TTC6: variants seen among roughly 807,000 people sequenced by gnomAD.
TTC6 encodes the protein tetratricopeptide repeat domain 6, also known as tetratricopeptide repeat protein 6.
TTC6 carries 172 observed loss-of-function variants against 210.4 expected under a neutral mutation model. The ratio of observed to expected loss-of-function variants is 0.82; its 90% confidence interval spans 0.72 to 0.93. TTC6 has a LOEUF of 0.93. Among genes scored for constraint, TTC6 ranks in the 40% least tolerant of loss-of-function variants. The pLI is 0.00. For missense variants in TTC6, 2,414 were observed against 2,318.1 expected (o/e 1.04, Z -0.85); for synonymous variants, 804 against 819.6 (o/e 0.98, Z 0.32).
chr14:37,803,727 A>C (rs1002874752), intron 20 of TTC6, among the ~76,000 whole-genome samples: 1 of 152,166 alleles, frequency 6.6e-6, no homozygotes, highest in African/African-American at 2.4e-5. Context: ...GGAGAGAAAA[A>C]GGTGAAAGTG....
At chr14:37,813,673 T>C (rs976281469) in intron 25 of TTC6, among the ~76,000 whole-genome samples, 12 of 152,256 alleles carry the variant, frequency 7.9e-5, no homozygotes, top group African/African-American at 2.9e-4. Context: ...AACTCAGAAC[T>C]CACTCGATTC....
At chr14:37,605,004 C>T (rs905372054) in intron 1 of TTC6, among the ~76,000 whole-genome samples, 4 of 152,180 alleles carry the variant, frequency 2.6e-5, no homozygotes, top group East Asian at 3.9e-4. Flanking sequence ...TGAAATGAAA[C>T]GAGCATGCTG....
At chr14:37,699,802 C>G (rs886978454) in intron 4 of TTC6, among the ~76,000 whole-genome samples, 1 of 152,094 alleles carries the variant, frequency 6.6e-6, no homozygotes, top group Non-Finnish European at 1.5e-5. Context: ...AAGGAGGAAT[C>G]TAGTTGAGGT....
At chr14:37,801,349 G>A (rs907171809) in intron 20 of TTC6, among the ~76,000 whole-genome samples, 5 of 152,142 alleles carry the variant, frequency 3.3e-5, no homozygotes, top group Non-Finnish European at 7.4e-5. Context: ...TTGGAATGGA[G>A]GAATATATTT....
intron 1 of TTC6, among the ~76,000 whole-genome samples, chr14:37,677,091 GA>G (rs1024128990): frequency 1.3e-5 from 2 of 151,674 alleles, no homozygotes; most frequent in African/African-American, 4.8e-5. Context: ...TTCTATTTCT[GA>G]AAAAAAGGCC....
At chr14:37,670,359 G>A (rs750271343) in intron 1 of TTC6, among the ~76,000 whole-genome samples, 4 of 151,854 alleles carry the variant, frequency 2.6e-5, no homozygotes, top group Non-Finnish European at 5.9e-5. Context: ...AATACATTTC[G>A]TGATATTTGG....
rs558568513 is a variant in TTC6 at position 37,738,609 on chromosome 14, A to G, written c.1984-167A>G. Among the ~76,000 whole-genome samples the G allele has an allele frequency of 6.6e-5, 10 of 152,314 alleles. No individual in the cohort carries two copies. The South Asian group carries it at 1.9e-3, about 28-fold the overall frequency. On this transcript the variant is annotated intron_variant, in intron 9 of 30. Coordinates refer to ENST00000553443, the Ensembl canonical transcript of TTC6. ...ACTTTGCTTGAACTAACCCACTATT[A>G]ACTTTATCAGCTGACTTTTGAATAA...
intron 1 of TTC6, among the ~76,000 whole-genome samples, chr14:37,628,860 GT>G (rs1396984787): frequency 6.6e-6 from 1 of 152,202 alleles, no homozygotes; most frequent in East Asian, 1.9e-4. Context: ...TTATTAAATA[GT>G]GAATCCTTTT....
intron 1 of TTC6, among the ~76,000 whole-genome samples, chr14:37,666,893 A>G (rs970553368): frequency 1.3e-5 from 2 of 150,304 alleles, no homozygotes; most frequent in East Asian, 3.9e-4. Flanking sequence ...ACTTCTTACC[A>G]TAAAAATACT....
intron 1 of TTC6, among the ~76,000 whole-genome samples, chr14:37,678,961 G>A (rs1172382459): frequency 1.3e-5 from 2 of 152,064 alleles, no homozygotes; most frequent in Non-Finnish European, 1.5e-5. Context: ...TCTCATGCCT[G>A]TGTAATCCCA....
intron 3 of TTC6, among the ~76,000 whole-genome samples, chr14:37,696,105 A>G (rs1263369348): frequency 1.3e-5 from 2 of 152,148 alleles, no homozygotes; most frequent in African/African-American, 4.8e-5. Flanking sequence ...CTCCTTCTTT[A>G]CTACTGTATC....
intron 20 of TTC6, chr14:37,802,342 T>C (rs2096108614): frequency 6.6e-6 from 1 of 152,066 alleles, no homozygotes; most frequent in African/African-American, 2.4e-5. Context: ...ATGGCACGTG[T>C]TTACCTTTGT....
Position 37,703,790 on chromosome 14 carries a change from A to G in TTC6, c.1571+2264A>G, listed in dbSNP as rs1035691537. 2.1e-4 allele frequency among the ~76,000 whole-genome samples: 32 copies of G among 152,288 alleles called. 1 individual carries two copies. The highest frequency in any genetic ancestry group is 7.7e-4 in the African/African-American group (32 of 41,576). ...CAGTAATTATGATGAGAACTATACA[A>G]ATATCTTGTATTGGCCTTATTTTTG... On this transcript the variant is annotated intron_variant, in intron 5 of 30. Transcript: ENST00000553443.
intron 1 of TTC6, among the ~76,000 whole-genome samples, chr14:37,654,622 G>A (rs994593663): frequency 6.6e-6 from 1 of 152,018 alleles, no homozygotes; most frequent in East Asian, 1.9e-4. Flanking sequence ...ATGTGAGAAA[G>A]GACTAATACA....
intron 5 of TTC6, among the ~76,000 whole-genome samples, chr14:37,713,193 C>A (rs1252117759): frequency 2.0e-5 from 3 of 152,176 alleles, no homozygotes; most frequent in Non-Finnish European, 4.4e-5. Flanking sequence ...AAAGTCATAA[C>A]TGGAACACTG....
intron 14 of TTC6, among the ~76,000 whole-genome samples, chr14:37,755,595 A>T (rs1031896191): frequency 1.3e-5 from 2 of 152,182 alleles, no homozygotes; most frequent in Admixed American, 6.5e-5. Context: ...TTTTCTGCAT[A>T]TGGCTAGCCA....
intron 1 of TTC6, among the ~76,000 whole-genome samples, chr14:37,660,303 T>G (rs1346498398): frequency 6.6e-6 from 1 of 151,994 alleles, no homozygotes; most frequent in Non-Finnish European, 1.5e-5. Context: ...TGTGCCACAG[T>G]GGTTTGCTGC....
chr14:37,774,626 G>A lies in TTC6; in HGVS notation c.3267-12842G>A, dbSNP rs528826129. ...GGATTAGCTTTTTGACTTGCTGCTG[G>A]ATTTGGTTTGGTAGTATTTTGCTGA... On this transcript the variant is annotated intron_variant, in intron 14 of 30. Transcript: ENST00000553443. Among the ~76,000 whole-genome samples the A allele has an allele frequency of 7.1e-4, 108 of 152,260 alleles. 1 individual carries two copies. The highest frequency in any genetic ancestry group is 1.8e-3 in the Admixed American group (28 of 15,284).
chr14:37,795,290 A>T, exon 18 of TTC6: 1 of 1,532,520 alleles, frequency 6.5e-7, no homozygotes, highest in Non-Finnish European at 8.7e-7. Context: ...TGAAAAAGGC[A>T]GTAAATGAAT....
Sources: allele counts gnomAD v4.1 joint callset (sites outside exome capture counted in the v4.1 genomes callset), GRCh38; gene constraint gnomAD v4.1.1; transcripts MANE v1.5; gene names NCBI Gene and HGNC (gene_info 2026-07-23, HGNC 2026-07-21).